ENAH: variants seen among roughly 807,000 people sequenced by gnomAD.
ENAH encodes the protein protein enabled homolog.
In ENAH, 23 loss-of-function variants were observed where a neutral mutation model predicts 78.7. That is an observed-to-expected ratio of 0.29 (90% confidence interval 0.21 to 0.41). The LOEUF (loss-of-function observed/expected upper bound fraction) is 0.41, where lower values mean the gene tolerates loss of function less well. Ranked by LOEUF, ENAH falls within the 10% of genes least tolerant of loss-of-function variation. The probability of loss-of-function intolerance (pLI) is 1.00; values close to 1 mark genes in which losing one functional copy is unlikely to be tolerated. For missense variants in ENAH, 544 were observed against 691.0 expected (o/e 0.79, Z 2.39); for synonymous variants, 226 against 241.0 (o/e 0.94, Z 0.58).
At position 225,519,355 on chromosome 1, in the gene ENAH, GCGTTCCTGCCGCTC is replaced by G; in HGVS notation, c.631_644del (p.Glu211ProfsTer59). The G allele has an allele frequency of 1.2e-6, 2 of 1,609,860 alleles. No homozygotes were observed. Among genetic ancestry groups the G allele is most frequent in the South Asian group, 1.1e-5 (1 of 90,820 alleles). On this transcript the variant is annotated frameshift_variant, in exon 5 of 14. Transcript: ENST00000366843. LOFTEE classifies it high-confidence loss of function. ...GATCCAGGCGTTCCTGCCGCTCCAGGCGTTCCTGCCGCTCCAGGCGTTCCTGCCGCTCCAGGCGT... is the reference window on the plus strand; with the variant it reads ...GATCCAGGCGTTCCTGCCGCTCCAGGCAGGCGTTCCTGCCGCTCCAGGCGT...
At chr1:225,591,764 CAAAAA>C (rs55680042) in intron 1 of ENAH, among the ~76,000 whole-genome samples, 3 of 39,514 alleles carry the variant, frequency 7.6e-5, no homozygotes, top group African/African-American at 1.3e-4. Context: ...GACTCCGTCT[CAAAAA>C]AAAAAAAAAA....
chr1:225,498,487 C>A, intron 12 of ENAH, 83 bp from the exon 13 acceptor site: 2 of 842,690 alleles, frequency 2.4e-6, no homozygotes, highest in South Asian at 3.4e-5. Flanking sequence ...TTAAGAATGT[C>A]ATGAAATATG....
chr1:225,621,393 C>T (rs1656891972), intron 1 of ENAH, among the ~76,000 whole-genome samples: 2 of 150,550 alleles, frequency 1.3e-5, no homozygotes, highest in African/African-American at 2.4e-5. Context: ...CCCGGGTTCA[C>T]GCCATTCTCC....
chr1:225,489,510 G>A lies in ENAH; in HGVS notation c.*8265C>T, dbSNP rs959215945. On this transcript the variant is annotated 3_prime_UTR_variant, in exon 14 of 14. Coordinates refer to ENST00000366843, the MANE Select transcript of ENAH (RefSeq NM_018212.6). ...TATGACTATAAAACAACTAAAAGCT[G>A]CACTTAAGATGGGAGAGCCAAACTC... 6 of 152,128 alleles carry A rather than the reference G, an allele frequency of 3.9e-5. No individual in the cohort carries two copies. The highest frequency in any genetic ancestry group is 1.4e-4 in the African/African-American group (6 of 41,512). The allele number at this position is 152,128 out of a possible 1,614,324, so 9.4% of individuals were successfully genotyped here. A position where few individuals can be genotyped will look rare whatever the true frequency, so the allele number is the denominator to read the frequency against.
At chr1:225,532,042 A>C (rs537592810) in intron 3 of ENAH, among the ~76,000 whole-genome samples, 14 of 152,240 alleles carry the variant, frequency 9.2e-5, no homozygotes, top group African/African-American at 2.4e-4. Context: ...AACAAAAAAA[A>C]ACAAAACTTT....
At chr1:225,554,370 T>A (rs898873826) in intron 3 of ENAH, among the ~76,000 whole-genome samples, 3 of 152,156 alleles carry the variant, frequency 2.0e-5, no homozygotes, top group African/African-American at 7.2e-5. Context: ...CTAACCAATA[T>A]GCACTATCAG....
chr1:225,598,324 G>A (rs1253380874), intron 1 of ENAH, among the ~76,000 whole-genome samples: 2 of 151,606 alleles, frequency 1.3e-5, no homozygotes, highest in African/African-American at 2.4e-5. Context: ...AGAAGAAAGT[G>A]AGAAAGAAGG....
At chr1:225,608,747 C>T (rs2096970952) in intron 1 of ENAH, among the ~76,000 whole-genome samples, 1 of 132,332 alleles carries the variant, frequency 7.6e-6, no homozygotes, top group African/African-American at 2.9e-5. Context: ...ACCCGGGAGG[C>T]GGAGGTTGCA....
rs763852631 is a variant in ENAH at position 225,512,966 on chromosome 1, G to A, written c.1269C>T (p.Ser423=). The A allele has an allele frequency of 1.2e-5, 19 of 1,613,658 alleles. No homozygotes were observed. The highest frequency in any genetic ancestry group is 8.8e-5 in the South Asian group (8 of 91,042). Residue 423 remains serine, a synonymous_variant, in exon 8 of 14, where the codon TCC becomes TCT. Transcript: ENST00000366843. ...PSGGNAIGVN[S]ASSKTDTGRG... ...GGCCTGTATCTGTTTTAGATGAGGC[G>A]GAGTTCACACCAATAGCATTCCCTC...
At chr1:225,556,734 CCT>C (rs1447957850) in intron 2 of ENAH, among the ~76,000 whole-genome samples, 7 of 152,052 alleles carry the variant, frequency 4.6e-5, no homozygotes, top group Non-Finnish European at 8.8e-5. Context: ...GCTTTAGTGC[CCT>C]GTTTAACAAA....
chr1:225,610,201 TG>T (rs2096980973), intron 1 of ENAH, among the ~76,000 whole-genome samples: 1 of 151,540 alleles, frequency 6.6e-6, no homozygotes, highest in Non-Finnish European at 1.5e-5. Flanking sequence ...AAACAGGAAG[TG>T]TATGTACTAA....
intron 1 of ENAH, among the ~76,000 whole-genome samples, chr1:225,615,270 C>A (rs2097020365): frequency 6.6e-6 from 1 of 152,248 alleles, no homozygotes; most frequent in African/African-American, 2.4e-5. Flanking sequence ...GTCTCCAGCT[C>A]CTGACCGCGA....
Position 225,490,839 on chromosome 1 carries a change from A to G in ENAH, c.*6936T>C, listed in dbSNP as rs1764344. On this transcript the variant is annotated 3_prime_UTR_variant, in exon 14 of 14. Coordinates refer to ENST00000366843, the MANE Select transcript of ENAH (RefSeq NM_018212.6). Reference sequence around the variant, plus strand: ...GTCTTTTACCAACCATCCATGGGCTATTGCTGAGTTGCGGAACTAGCCTAC... The same window carrying G: ...GTCTTTTACCAACCATCCATGGGCTGTTGCTGAGTTGCGGAACTAGCCTAC... 0.97 allele frequency: 147,922 copies of G among 152,352 alleles called. 71,951 individuals are homozygous for G. Among genetic ancestry groups the G allele is most frequent in the East Asian group, 1 (5,185 of 5,186 alleles). The allele number at this position is 152,352 out of a possible 1,614,324, so 9.4% of individuals were successfully genotyped here.
chr1:225,619,277 T>A (rs1032271744), intron 1 of ENAH, among the ~76,000 whole-genome samples: 3 of 152,172 alleles, frequency 2.0e-5, no homozygotes, highest in Non-Finnish European at 4.4e-5. Flanking sequence ...TCACGGTGGG[T>A]CACGCCTGTA....
At chr1:225,510,578 T>C (rs2096368775) in intron 10 of ENAH, among the ~76,000 whole-genome samples, 1 of 151,718 alleles carries the variant, frequency 6.6e-6, no homozygotes, top group Non-Finnish European at 1.5e-5. Context: ...AAAGCCATGA[T>C]GTTAATTATG....
At chr1:225,650,526 T>C (rs1199215564) in intron 1 of ENAH, among the ~76,000 whole-genome samples, 1 of 152,178 alleles carries the variant, frequency 6.6e-6, no homozygotes, top group Non-Finnish European at 1.5e-5. Flanking sequence ...AATCTTTGAA[T>C]TAGACAACTA....
chr1:225,559,798 C>CA (rs2096690448), intron 2 of ENAH, among the ~76,000 whole-genome samples: 1 of 152,190 alleles, frequency 6.6e-6, no homozygotes, highest in Admixed American at 6.5e-5. Flanking sequence ...GCCCTCCCCA[C>CA]AGCCTGTTGG....
At chr1:225,579,346 A>C (rs2096803185) in intron 1 of ENAH, among the ~76,000 whole-genome samples, 1 of 152,256 alleles carries the variant, frequency 6.6e-6, no homozygotes, top group African/African-American at 2.4e-5. Flanking sequence ...GCTGAAATTT[A>C]TGTTCTTTTT....
rs1292018467 is a variant in ENAH, at chr1:225,652,968, G to GTGGTCC, written c.-284_-279dup. The GTGGTCC allele has an allele frequency of 5.6e-6, 2 of 354,272 alleles. No homozygotes were observed. Among genetic ancestry groups the GTGGTCC allele is most frequent in the Admixed American group, 9.4e-5 (2 of 21,188 alleles). The allele number at this position is 354,272 out of a possible 1,614,324, so 21.9% of individuals were successfully genotyped here. A position where few individuals can be genotyped will look rare whatever the true frequency, so the allele number is the denominator to read the frequency against. ...GGCGGCCGCCGCCTCCCACCTCCTC[G>GTGGTCC]TGGTCCTGCTCCTCCTCCCGGAGCT... On this transcript the variant is annotated 5_prime_UTR_variant, in exon 1 of 14. Coordinates refer to ENST00000366843, the MANE Select transcript of ENAH (RefSeq NM_018212.6).
Sources: allele counts gnomAD v4.1 joint callset (sites outside exome capture counted in the v4.1 genomes callset), GRCh38; gene constraint gnomAD v4.1.1; transcripts MANE v1.5; gene names NCBI Gene and HGNC (gene_info 2026-07-23, HGNC 2026-07-21).